NUP188: variants seen among roughly 807,000 people sequenced by gnomAD.
NUP188 encodes nucleoporin NUP188.
A neutral mutation model predicts 223.0 loss-of-function variants in NUP188; 97 were observed. That is an observed-to-expected ratio of 0.43 (90% CI 0.37 to 0.51). The LOEUF (loss-of-function observed/expected upper bound fraction) is 0.51. Among genes scored for constraint, NUP188 ranks in the 20% least tolerant of loss-of-function variants. The probability of loss-of-function intolerance (pLI) is 0.00; values close to 1 mark genes in which losing one functional copy is unlikely to be tolerated. For missense variants in NUP188, 1,947 were observed against 2,175.6 expected (o/e 0.89, Z 2.09); for synonymous variants, 869 against 828.0 (o/e 1.05, Z -0.85).
chr9:128,988,697 C>T (rs1842372152), intron 24 of NUP188, among the ~76,000 whole-genome samples: 1 of 146,414 alleles, frequency 6.8e-6, no homozygotes, highest in Non-Finnish European at 1.5e-5. Context: ...TTGACACATT[C>T]CAGATTTTTT....
Position 128,947,749 on chromosome 9 carries a change from G to A in NUP188, c.30G>A (p.Val10=). The part of the protein sequence containing the change: MAAAAGGPC[V]RSSRELWTIL... The stretch of plus-strand genomic sequence containing the variant: ...CGGCGGCCGCCGGCGGGCCGTGTGT[G>A]AGGTGCGGAGCGGGTCGAATGGACC... The change falls in exon 1 of 44, where the codon GTG becomes GTA. Residue 10 remains valine, a splice_region_variant and synonymous_variant. Coordinates refer to ENST00000372577, the MANE Select transcript of NUP188 (RefSeq NM_015354.3). 2.0e-6 allele frequency: 3 copies of A among 1,472,882 alleles called. No individual in the cohort carries two copies. The highest frequency in any genetic ancestry group is 2.7e-6 in the Non-Finnish European group (3 of 1,114,616). 91.2% of individuals were successfully genotyped at this position (1,472,882 alleles called of 1,614,324 possible).
Position 128,993,599 on chromosome 9 carries a change from C to T in NUP188, c.2922C>T (p.Tyr974=). 6.2e-7 allele frequency: 1 copy of T among 1,614,206 alleles called. No homozygotes were observed. The highest frequency in any genetic ancestry group is 8.5e-7 in the Non-Finnish European group (1 of 1,180,022). Residue 974 remains tyrosine (Y), a synonymous_variant, in exon 27 of 44, where the codon TAC becomes TAT. Coordinates refer to ENST00000372577, the MANE Select transcript of NUP188 (RefSeq NM_015354.3). Reference sequence around the variant, plus strand: ...TTGATTCCCAACAGCAAGATCGATACTGGTGCCCACCCCTGCTGCATCGTG... The same window carrying T: ...TTGATTCCCAACAGCAAGATCGATATTGGTGCCCACCCCTGCTGCATCGTG... ...ELIDSQQQDR[Y]WCPPLLHRAA...
chr9:128,955,130 C>G (rs1454775267), intron 3 of NUP188, among the ~76,000 whole-genome samples: 1 of 152,070 alleles, frequency 6.6e-6, no homozygotes, highest in African/African-American at 2.4e-5. Flanking sequence ...GGATTACAGG[C>G]GTGAGCCACC....
At chr9:128,970,644 TGA>T in intron 10 of NUP188, 112 bp from the exon 11 acceptor site, 2 of 790,248 alleles carry the variant, frequency 2.5e-6, no homozygotes, top group South Asian at 1.6e-5. Context: ...AATATCAGAA[TGA>T]GAGAGTGAGG....
rs890510993 is a variant in NUP188, at chr9:129,006,440, C to T, written c.5074-62C>T. On this transcript the variant is annotated intron_variant, in intron 43 of 43. Coordinates refer to ENST00000372577, the MANE Select transcript of NUP188 (RefSeq NM_015354.3). ...CCCTGTGGGGTCCTGCCTGGCAACC[C>T]CCAAGGGTCAGAACAGTAGCCAGAT... 3.1e-6 allele frequency: 5 copies of T among 1,612,162 alleles called. No homozygotes were observed. The African/African-American group carries it at 6.7e-5, about 22-fold the overall frequency.
intron 38 of NUP188, chr9:129,004,921 A>T: frequency 1.7e-6 from 1 of 576,334 alleles, no homozygotes; most frequent in East Asian, 2.9e-5. Context: ...TAGTGGCTAT[A>T]GGGGCTTTAA....
chr9:128,998,388 G>A, intron 31 of NUP188, 150 bp from the exon 32 acceptor site: 1 of 945,734 alleles, frequency 1.1e-6, no homozygotes, highest in Non-Finnish European at 1.7e-6. Context: ...GCAGAGCTCT[G>A]CTGCTGCCAT....
chr9:128,952,398 CAAA>C (rs939252129), intron 2 of NUP188, among the ~76,000 whole-genome samples: 5 of 60,618 alleles, frequency 8.2e-5, no homozygotes, highest in African/African-American at 1.0e-4. Flanking sequence ...GACTCCGTCT[CAAA>C]AAAAAAAAAA....
chr9:128,947,774 CG>C, intron 1 of NUP188, 23 bp downstream of exon 1: 5 of 1,412,298 alleles, frequency 3.5e-6, no homozygotes, highest in Non-Finnish European at 9.2e-7. Flanking sequence ...TCGAATGGAC[CG>C]GGGTGGCTGT....
At chr9:128,981,201 C>G (rs957645081) in intron 14 of NUP188, 63 bp from the exon 15 acceptor site, 1 of 1,583,630 alleles carries the variant, frequency 6.3e-7, no homozygotes, top group African/African-American at 1.4e-5. Context: ...AAAGAGCAGA[C>G]TGTGGGACCT....
intron 8 of NUP188, among the ~76,000 whole-genome samples, chr9:128,964,864 G>A (rs1052901437): frequency 5.3e-5 from 8 of 151,800 alleles, no homozygotes; most frequent in Admixed American, 1.3e-4. Context: ...GTGCCACCAC[G>A]CCTTCCTAAT....
chr9:128,949,919 CTTTTTTT>C (rs35705253), intron 2 of NUP188, among the ~76,000 whole-genome samples: 14 of 81,234 alleles, frequency 1.7e-4, no homozygotes, highest in African/African-American at 5.1e-4. Flanking sequence ...GTGACGGCCA[CTTTTTTT>C]TTTTTTTTTT....
Position 128,983,330 on chromosome 9 carries a change from G to A in NUP188, c.1834G>A (p.Ala612Thr). The A allele has an allele frequency of 6.2e-7, 1 of 1,614,134 alleles. No homozygotes were observed. The stretch of plus-strand genomic sequence containing the variant: ...GATCTCCCCACCTGTGGATGTCATT[G>A]CTTCTTGTGTCAACTGCTTAACTGT... ...TVISPPVDVI[A>T]SCVNCLTVLA... Residue 612 changes from alanine (A) to threonine (T), a missense_variant, in exon 18 of 44, where the codon GCT (alanine) becomes ACT (threonine). Around this residue, in one of 3 missense-constraint regions of NUP188, gnomAD observed 817 missense variants for 865.8 expected, o/e 0.94. Transcript: ENST00000372577.
intron 9 of NUP188, 75 bp downstream of exon 9, chr9:128,968,792 A>AG (rs1842067233): frequency 5.3e-6 from 6 of 1,142,556 alleles, no homozygotes; most frequent in Non-Finnish European, 5.2e-6. Flanking sequence ...GTAAGCAGGT[A>AG]GGGGGTAGGT....
chr9:129,002,816 G>C lies in NUP188; in HGVS notation c.4138-1G>C. 6.2e-7 allele frequency: 1 copy of C among 1,613,528 alleles called. No individual in the cohort carries two copies. The highest frequency in any genetic ancestry group is 8.5e-7 in the Non-Finnish European group (1 of 1,179,708). On this transcript the variant is annotated splice_acceptor_variant, in intron 36 of 43. Transcript: ENST00000372577. LOFTEE classifies it high-confidence loss of function. ...GAGCTTGTCTGCTGTTTGTATCTTA[G>C]ACACCTAGTGCCTCTCGGAAGTCCC...
intron 15 of NUP188, 49 bp downstream of exon 15, chr9:128,981,439 G>A: frequency 2.6e-6 from 4 of 1,522,388 alleles, no homozygotes; most frequent in East Asian, 2.3e-5. Flanking sequence ...TTTTTTTGAT[G>A]TCTTGCTCTG....
intron 38 of NUP188, 128 bp downstream of exon 38, chr9:129,003,582 C>A: frequency 8.8e-7 from 1 of 1,130,076 alleles, no homozygotes; most frequent in Non-Finnish European, 1.3e-6. Context: ...CCTTGGGGAG[C>A]ACAGGGTTTG....
intron 15 of NUP188, 48 bp from the exon 16 acceptor site, chr9:128,982,501 T>C (rs760201646): frequency 1.4e-4 from 206 of 1,512,604 alleles, no homozygotes; most frequent in Admixed American, 1.9e-4. Flanking sequence ...AGGAGTTACA[T>C]TTTTTATTTA....
chr9:128,987,932 T>C (rs1181697807), intron 23 of NUP188, 115 bp from the exon 24 acceptor site: 11 of 1,322,356 alleles, frequency 8.3e-6, no homozygotes, highest in Non-Finnish European at 1.2e-5. Context: ...CTGGGGCCTC[T>C]AACAGAAGCT....
Sources: gnomAD v4.1 joint callset for allele counts (sites outside exome capture counted in the v4.1 genomes callset) on GRCh38, gnomAD v4.1.1 for gene constraint, gnomAD v4.1.1 regional missense constraint, MANE v1.5 for transcripts, NCBI Gene and HGNC (gene_info 2026-07-23, HGNC 2026-07-21) for gene names.